Variants in BICC1 observed in about 807,000 individuals in gnomAD.
BICC1 encodes BicC family RNA binding protein 1, also known as protein bicaudal C homolog 1.
A neutral mutation model predicts 111.0 loss-of-function variants in BICC1; 43 were observed. The ratio of observed to expected loss-of-function variants is 0.39; its 90% CI spans 0.30 to 0.50. The LOEUF (loss-of-function observed/expected upper bound fraction) is 0.50, where lower values mean the gene tolerates loss of function less well. Among genes scored for constraint, BICC1 ranks in the 20% least tolerant of loss-of-function variants. The pLI, the probability that BICC1 is intolerant of heterozygous loss-of-function variation, is 0.88. For missense variants in BICC1, 1,091 were observed against 1,203.2 expected, an observed-to-expected ratio of 0.91 and a Z score of 1.38; for synonymous variants, 467 against 434.4, an observed-to-expected ratio of 1.07 and a Z score of -0.93.
At chr10:58,636,723 T>C (rs1450281557) in intron 2 of BICC1, among the ~76,000 whole-genome samples, 1 of 152,200 alleles carries the variant, frequency 6.6e-6, no homozygotes, top group Non-Finnish European at 1.5e-5. Flanking sequence ...AGTTCTGGCT[T>C]TGAATTCCAG....
intron 3 of BICC1, among the ~76,000 whole-genome samples, chr10:58,730,719 A>G (rs1841262928): frequency 6.6e-6 from 1 of 152,002 alleles, no homozygotes; most frequent in Non-Finnish European, 1.5e-5. Context: ...TGTAGAAACC[A>G]CCAATGCTTC....
intron 3 of BICC1, among the ~76,000 whole-genome samples, chr10:58,759,731 G>A (rs111314186): frequency 1.3e-5 from 2 of 151,982 alleles, no homozygotes; most frequent in African/African-American, 4.8e-5. Context: ...AGGCCGAGGC[G>A]GGTGGATCAC....
At chr10:58,662,735 A>G (rs939213941) in intron 2 of BICC1, among the ~76,000 whole-genome samples, 1 of 152,218 alleles carries the variant, frequency 6.6e-6, no homozygotes, top group Non-Finnish European at 1.5e-5. Context: ...CATATAGTTC[A>G]TCCTAATAAA....
intron 1 of BICC1, among the ~76,000 whole-genome samples, chr10:58,577,841 T>C (rs1844156892): frequency 6.6e-6 from 1 of 152,250 alleles, no homozygotes. Context: ...ATTTGAAATA[T>C]TATTTTATTC....
intron 3 of BICC1, among the ~76,000 whole-genome samples, chr10:58,781,578 T>C (rs1482293049): frequency 6.6e-6 from 1 of 152,240 alleles, no homozygotes; most frequent in East Asian, 1.9e-4. Context: ...TTTTCTGTTA[T>C]GCCATCTTCT....
At chr10:58,699,642 T>C (rs1840169611) in intron 2 of BICC1, among the ~76,000 whole-genome samples, 1 of 152,154 alleles carries the variant, frequency 6.6e-6, no homozygotes, top group Non-Finnish European at 1.5e-5. Context: ...GATTGTTTTC[T>C]TACTGCCTCC....
intron 15 of BICC1, among the ~76,000 whole-genome samples, chr10:58,804,926 C>T (rs1023717187): frequency 1.2e-4 from 19 of 152,132 alleles, no homozygotes; most frequent in Non-Finnish European, 2.6e-4. Context: ...AGTGCTATAT[C>T]CCCAGCTCTC....
intron 3 of BICC1, among the ~76,000 whole-genome samples, chr10:58,764,526 A>G (rs565435812): frequency 1.3e-5 from 2 of 152,136 alleles, no homozygotes; most frequent in African/African-American, 4.8e-5. Context: ...ATACTCATGT[A>G]TGTGCTGACA....
rs527339879 is a variant in BICC1 at position 58,748,983 on chromosome 10, A to G, written c.308-36018A>G. ...AGCTTGCCTAGGAAGATTCCACTAA[A>G]TAATGGTTTGGTTAAGTTGTCTACT... On this transcript the variant is annotated intron_variant, in intron 3 of 20. Transcript: ENST00000373886. Among the ~76,000 whole-genome samples, 40 of 152,288 alleles carry G rather than the reference A, an allele frequency of 2.6e-4. 1 individual carries two copies. In the South Asian group the frequency reaches 8.1e-3, roughly 31 times the overall value.
intron 2 of BICC1, among the ~76,000 whole-genome samples, chr10:58,664,699 T>A (rs1173000268): frequency 6.6e-6 from 1 of 152,166 alleles, no homozygotes; most frequent in Non-Finnish European, 1.5e-5. Flanking sequence ...GTGGGTTTTT[T>A]TTTTCCCTCC....
intron 1 of BICC1, among the ~76,000 whole-genome samples, chr10:58,526,958 G>T (rs559581635): frequency 1.1e-4 from 17 of 152,134 alleles, no homozygotes; most frequent in Non-Finnish European, 2.5e-4. Context: ...TGGGATTGCT[G>T]GGTCAAATGG....
At chr10:58,549,655 T>C (rs1195211114) in intron 1 of BICC1, among the ~76,000 whole-genome samples, 1 of 151,694 alleles carries the variant, frequency 6.6e-6, no homozygotes, top group Non-Finnish European at 1.5e-5. Flanking sequence ...GTTGTTATTG[T>C]TGAGTTTCAA....
intron 2 of BICC1, among the ~76,000 whole-genome samples, chr10:58,700,225 A>C (rs1379700188): frequency 2.0e-5 from 3 of 152,104 alleles, no homozygotes; most frequent in Non-Finnish European, 2.9e-5. Context: ...TTGGTGTGAG[A>C]GTAGAAAAGG....
chr10:58,686,660 G>A lies in BICC1; in HGVS notation c.238-15414G>A, dbSNP rs181882029. On this transcript the variant is annotated intron_variant, in intron 2 of 20. Coordinates refer to ENST00000373886, the MANE Select transcript of BICC1 (RefSeq NM_001080512.3). ...ACCCTTTCTTACCCTTGATCAAATCGGCTACTGAAGCTTGTGCATGCGTCA... is the reference window on the plus strand; with the variant it reads ...ACCCTTTCTTACCCTTGATCAAATCAGCTACTGAAGCTTGTGCATGCGTCA... 1.8e-4 allele frequency among the ~76,000 whole-genome samples: 28 copies of A among 151,922 alleles called. No homozygotes were observed. The East Asian group carries it at 3.5e-3, about 19-fold the overall frequency.
At chr10:58,828,723 C>G in intron 20 of BICC1, 38 bp from the exon 21 acceptor site, 4 of 1,604,584 alleles carry the variant, frequency 2.5e-6, no homozygotes, top group Non-Finnish European at 3.4e-6. Flanking sequence ...CATAGAACTT[C>G]TCTTGAGCTC....
At chr10:58,618,531 A>AAG (rs1491448651) in intron 1 of BICC1, among the ~76,000 whole-genome samples, 1 of 152,080 alleles carries the variant, frequency 6.6e-6, no homozygotes, top group Non-Finnish European at 1.5e-5. Context: ...CACTCACACC[A>AAG]AGAGAGAGAA....
Position 58,639,121 on chromosome 10 carries a change from A to G in BICC1, c.237+18220A>G, listed in dbSNP as rs572844667. ...AATCTACTCAGCAATTTTCAAGTAT[A>G]AAATACATTGTTATTAACTAGTCAC... On this transcript the variant is annotated intron_variant, in intron 2 of 20. Coordinates refer to ENST00000373886, the MANE Select transcript of BICC1 (RefSeq NM_001080512.3). Among the ~76,000 whole-genome samples the G allele has an allele frequency of 4.6e-5, 7 of 152,280 alleles. No homozygotes were observed. The South Asian group carries it at 1.5e-3, about 32-fold the overall frequency.
chr10:58,752,948 G>A (rs1332572591), intron 3 of BICC1, among the ~76,000 whole-genome samples: 1 of 151,960 alleles, frequency 6.6e-6, no homozygotes, highest in East Asian at 1.9e-4. Context: ...AGCTGTGCTG[G>A]CTTTCTTTAT....
At chr10:58,659,048 C>G (rs1588984032) in intron 2 of BICC1, among the ~76,000 whole-genome samples, 1 of 152,018 alleles carries the variant, frequency 6.6e-6, no homozygotes, top group East Asian at 1.9e-4. Context: ...GTCTATATAA[C>G]TTTTTTAAAA....
Sources: allele counts gnomAD v4.1 joint callset (sites outside exome capture counted in the v4.1 genomes callset), GRCh38; gene constraint gnomAD v4.1.1; transcripts MANE v1.5; gene names NCBI Gene and HGNC (gene_info 2026-07-23, HGNC 2026-07-21).